The following GRIA4 variants were observed in gnomAD, a reference collection of about 807,000 sequenced individuals.
GRIA4 encodes glutamate ionotropic receptor AMPA type subunit 4.
In GRIA4, 34 loss-of-function variants were observed where a neutral mutation model predicts 104.0. The ratio of observed to expected loss-of-function variants is 0.33; its 90% CI spans 0.25 to 0.44. GRIA4 has a LOEUF of 0.44. Among genes scored for constraint, GRIA4 ranks in the 20% least tolerant of loss-of-function variants. The pLI is 1.00. For synonymous variants in GRIA4, 386 were observed against 381.9 expected, an observed-to-expected ratio of 1.01 and a Z score of -0.13; for missense variants, 750 against 1,096.5, an observed-to-expected ratio of 0.68 and a Z score of 4.46.
chr11:105,752,423 G>T (rs1940056279), intron 3 of GRIA4, among the ~76,000 whole-genome samples: 1 of 152,110 alleles, frequency 6.6e-6, no homozygotes, highest in Non-Finnish European at 1.5e-5. Context: ...CTCTAAGATT[G>T]TGATTAAAAT....
chr11:105,882,717 C>T (rs1351310980), intron 5 of GRIA4, among the ~76,000 whole-genome samples: 1 of 152,174 alleles, frequency 6.6e-6, no homozygotes, highest in South Asian at 2.1e-4. Flanking sequence ...AGATAATAAA[C>T]ACCCTTGTAA....
intron 4 of GRIA4, among the ~76,000 whole-genome samples, chr11:105,790,301 T>C (rs565327941): frequency 6.6e-6 from 1 of 152,340 alleles, no homozygotes; most frequent in East Asian, 1.9e-4. Flanking sequence ...CCAATGCACA[T>C]TGCTGTGTGT....
At chr11:105,955,930 G>A (rs1052346862) in intron 14 of GRIA4, among the ~76,000 whole-genome samples, 6 of 152,196 alleles carry the variant, frequency 3.9e-5, no homozygotes, top group African/African-American at 9.6e-5. Flanking sequence ...CTTTTGAGAC[G>A]TGTCTGTTCA....
In GRIA4 at chr11:105,638,152, G is replaced by T. The variant is rs78124801; in HGVS notation, c.247+25718G>T. Among the ~76,000 whole-genome samples the T allele has an allele frequency of 5.6e-3, 856 of 152,212 alleles. 15 individuals carry two copies. The highest frequency in any genetic ancestry group is 0.04 in the East Asian group (207 of 5,170). On this transcript the variant is annotated intron_variant, in intron 3 of 16. Coordinates refer to ENST00000282499, the MANE Select transcript of GRIA4 (RefSeq NM_000829.4). ...TTAATGCTGGGATCTGCAAGAATGC[G>T]ATTATGAAAAACTTCCCCCAAAGAA...
At chr11:105,733,262 C>T (rs555414728) in intron 3 of GRIA4, among the ~76,000 whole-genome samples, 5 of 152,186 alleles carry the variant, frequency 3.3e-5, no homozygotes, top group South Asian at 2.1e-4. Context: ...AGAGAAGATA[C>T]GGTGTCAGTA....
chr11:105,865,610 G>A (rs938313283), intron 5 of GRIA4, among the ~76,000 whole-genome samples: 3 of 151,952 alleles, frequency 2.0e-5, no homozygotes, highest in East Asian at 1.9e-4. Flanking sequence ...CAAAAGAACC[G>A]TTTCATATCA....
At chr11:105,919,519 G>A (rs746173747) in intron 11 of GRIA4, among the ~76,000 whole-genome samples, 3 of 152,138 alleles carry the variant, frequency 2.0e-5, no homozygotes, top group Non-Finnish European at 4.4e-5. Flanking sequence ...ACAAAAGCCA[G>A]AATTTATTCC....
intron 4 of GRIA4, among the ~76,000 whole-genome samples, chr11:105,857,803 T>C (rs910320397): frequency 6.6e-6 from 1 of 152,184 alleles, no homozygotes; most frequent in African/African-American, 2.4e-5. Flanking sequence ...TAACTCTTTC[T>C]TTTCTAAATA....
At chr11:105,755,404 T>C (rs983667901) in intron 4 of GRIA4, among the ~76,000 whole-genome samples, 1 of 152,146 alleles carries the variant, frequency 6.6e-6, no homozygotes, top group African/African-American at 2.4e-5. Context: ...GGTTCTCAAC[T>C]CCAATACTCT....
intron 14 of GRIA4, among the ~76,000 whole-genome samples, chr11:105,964,483 A>G (rs1948812032): frequency 6.6e-6 from 1 of 152,214 alleles, no homozygotes; most frequent in Non-Finnish European, 1.5e-5. Context: ...AACACTTTTT[A>G]TTAGTTGGCT....
intron 3 of GRIA4, among the ~76,000 whole-genome samples, chr11:105,715,808 G>A (rs914136940): frequency 3.3e-5 from 5 of 152,138 alleles, no homozygotes; most frequent in East Asian, 1.9e-4. Context: ...ATCTCGTGGC[G>A]CTACCATCCT....
chr11:105,799,319 G>A (rs983058052), intron 4 of GRIA4, among the ~76,000 whole-genome samples: 1 of 152,054 alleles, frequency 6.6e-6, no homozygotes, highest in Non-Finnish European at 1.5e-5. Context: ...CTGAAGGTGT[G>A]CAAGAAAGAG....
At chr11:105,863,996 G>T (rs985031342) in intron 5 of GRIA4, among the ~76,000 whole-genome samples, 1 of 152,260 alleles carries the variant, frequency 6.6e-6, no homozygotes, top group Non-Finnish European at 1.5e-5. Flanking sequence ...AAACTTGAGT[G>T]TCTACCTTTT....
At chr11:105,888,183 C>T (rs1252810321) in intron 6 of GRIA4, among the ~76,000 whole-genome samples, 5 of 150,802 alleles carry the variant, frequency 3.3e-5, no homozygotes, top group African/African-American at 4.9e-5. Context: ...AGCGGCCCAG[C>T]CTCTCTTGCT....
intron 14 of GRIA4, among the ~76,000 whole-genome samples, chr11:105,968,940 A>G (rs1239763967): frequency 2.6e-5 from 4 of 152,234 alleles, no homozygotes; most frequent in Non-Finnish European, 5.9e-5. Context: ...AATTTTGGCA[A>G]CAGCTGCAAC....
intron 14 of GRIA4, among the ~76,000 whole-genome samples, chr11:105,944,558 ACAC>A (rs1948259204): frequency 6.7e-6 from 1 of 150,294 alleles, no homozygotes; most frequent in South Asian, 2.1e-4. Context: ...AAATAAGAAA[ACAC>A]CATATCAGAG....
intron 14 of GRIA4, among the ~76,000 whole-genome samples, chr11:105,958,411 A>C (rs1427416450): frequency 4.6e-5 from 7 of 152,176 alleles, no homozygotes; most frequent in Non-Finnish European, 8.8e-5. Context: ...ATGGTGGATT[A>C]TATTTATTGA....
intron 10 of GRIA4, among the ~76,000 whole-genome samples, chr11:105,913,942 T>G (rs1333699943): frequency 6.6e-6 from 1 of 152,004 alleles, no homozygotes; most frequent in Non-Finnish European, 1.5e-5. Flanking sequence ...AGAGGTTATT[T>G]TTTGTACTTT....
At chr11:105,794,630 A>G (rs1413632061) in intron 4 of GRIA4, among the ~76,000 whole-genome samples, 1 of 148,454 alleles carries the variant, frequency 6.7e-6, no homozygotes, top group Non-Finnish European at 1.5e-5. Context: ...AGAGAGAGTT[A>G]TGGTTGTGGT....
Sources: gnomAD v4.1 joint callset for allele counts (sites outside exome capture counted in the v4.1 genomes callset) on GRCh38, gnomAD v4.1.1 for gene constraint, MANE v1.5 for transcripts, NCBI Gene and HGNC (gene_info 2026-07-23, HGNC 2026-07-21) for gene names.